MYH2: variants seen among roughly 807,000 people sequenced by gnomAD.
The protein encoded by MYH2 is myosin heavy chain 2.
MYH2 carries 139 observed loss-of-function variants against 228.1 expected under a neutral mutation model. That is an observed-to-expected ratio of 0.61 (90% CI 0.53 to 0.70). The LOEUF is 0.70. Ranked by LOEUF, MYH2 falls within the 30% of genes least tolerant of loss-of-function variation. The pLI, the probability that MYH2 is intolerant of heterozygous loss-of-function variation, is 0.00. For synonymous variants in MYH2, 796 were observed against 871.1 expected (o/e 0.91, Z 1.52); for missense variants, 1,809 against 2,357.5 (o/e 0.77, Z 4.82).
rs563638689 is a variant in MYH2 at position 10,537,836 on chromosome 17, C to T, written c.1417-1G>A. ...TGCACAGCTGCTCCAGGCTGTTGAACTAAATAAATAGATATGTTTACTTCT... is the reference window on the plus strand; with the variant it reads ...TGCACAGCTGCTCCAGGCTGTTGAATTAAATAAATAGATATGTTTACTTCT... On this transcript the variant is annotated splice_acceptor_variant, in intron 14 of 39. Coordinates refer to ENST00000245503, the MANE Select transcript of MYH2 (RefSeq NM_017534.6). LOFTEE classifies it high-confidence loss of function. The surrounding 1 kb of genome is among the most constrained non-coding windows in gnomAD (Gnocchi z 4.0). The T allele has an allele frequency of 2.5e-6, 4 of 1,614,102 alleles. No individual in the cohort carries two copies. The highest frequency in any genetic ancestry group is 3.4e-6 in the Non-Finnish European group (4 of 1,180,018).
chr17:10,529,350 A>G lies in MYH2; in HGVS notation c.3249T>C (p.Asp1083=). 2 of 1,613,898 alleles carry G rather than the reference A, an allele frequency of 1.2e-6. No homozygotes were observed. The highest frequency in any genetic ancestry group is 1.1e-5 in the South Asian group (1 of 91,080). Residue 1083 remains aspartate (D), a synonymous_variant, in exon 25 of 40, where the codon GAT becomes GAC. Transcript: ENST00000245503. ...TTCTTACTTACTTTTTGAGCTTTTC[A>G]TCAAGTTGCTGTTTCTCATTTTCAA... is the stretch of plus-strand genomic sequence containing the variant. ...MDIENEKQQL[D]EKLKKKEFEI...
Position 10,527,833 on chromosome 17 carries a change from C to CAGTTG in MYH2, c.3781_3785dup (p.Ser1263AsnfsTer2). On this transcript the variant is annotated frameshift_variant, in exon 28 of 40. Transcript: ENST00000245503. LOFTEE classifies it high-confidence loss of function. ...CCTCTTCCTTTGATTTCAGTTCACTCAGTTGGTCCTCTAGAGTCCGGCACA... is the reference window on the plus strand; with the variant it reads ...CCTCTTCCTTTGATTTCAGTTCACTCAGTTGAGTTGGTCCTCTAGAGTCCGGCACA... 5 of 1,613,996 alleles carry CAGTTG rather than the reference C, an allele frequency of 3.1e-6. No homozygotes were observed. Among genetic ancestry groups the CAGTTG allele is most frequent in the Non-Finnish European group, 4.2e-6 (5 of 1,180,020 alleles).
At chr17:10,541,112 G>C (rs1402080045) in intron 10 of MYH2, among the ~76,000 whole-genome samples, 1 of 152,094 alleles carries the variant, frequency 6.6e-6, no homozygotes. Context: ...TAAAGCATGT[G>C]TGTTTAAACA....
chr17:10,547,793 G>A lies in MYH2; in HGVS notation c.128C>T (p.Pro43Leu), dbSNP rs1387778291. Residue 43 changes from proline to leucine, a missense_variant, in exon 3 of 40, where the codon CCC (proline) becomes CTC (leucine). By Grantham distance (98) the Pro-to-Leu change is moderately conservative. Around this residue, in one of 9 missense-constraint regions of MYH2, gnomAD observed 84 missense variants for 81.8 expected, o/e 1.03. Transcript: ENST00000245503. ...GGTCCCTTTGACAAAGGATTCTTTG[G>A]GCTCCGCCACAAAGACAGATGTTTT... ...DAKTSVFVAE[P>L]KESFVKGTIQ... is the part of the protein sequence containing the mutation. 1 of 1,614,124 alleles carries A rather than the reference G, an allele frequency of 6.2e-7. No homozygotes were observed. The highest frequency in any genetic ancestry group is 1.1e-5 in the South Asian group (1 of 91,082).
Position 10,525,143 on chromosome 17 carries a change from CTA to C in MYH2, c.4662+79_4663-79del, listed in dbSNP as rs2073334712. 1.2e-5 allele frequency: 19 copies of C among 1,613,866 alleles called. No individual in the cohort carries two copies. The highest frequency in any genetic ancestry group is 1.5e-5 in the Non-Finnish European group (18 of 1,179,920). ...TTTTCTGCACAGCAATAATTTTGTG[CTA>C]TGTGTCTTTTTATTCACTCTATGCA... On this transcript the variant is annotated intron_variant, in intron 33 of 39. Transcript: ENST00000245503. This position sits in a 1 kb window ranked among gnomAD's most constrained non-coding sequence, Gnocchi z 4.2.
In MYH2 at chr17:10,523,673, A is replaced by G. The variant is rs867201474; in HGVS notation, c.5302-7T>C. The stretch of plus-strand genomic sequence containing the variant: ...CCTCAGCCATCATGGCGGCCTAAAT[A>G]GCAAATAAATCAAGAAAACCAAGAA... On this transcript the variant is annotated splice_region_variant and splice_polypyrimidine_tract_variant and intron_variant, in intron 36 of 39. Coordinates refer to ENST00000245503, the MANE Select transcript of MYH2 (RefSeq NM_017534.6). 1.5e-5 allele frequency: 24 copies of G among 1,614,226 alleles called. 1 individual carries two copies. In the Middle Eastern group the frequency reaches 3.8e-3, roughly 255 times the overall value.
intron 2 of MYH2, among the ~76,000 whole-genome samples, chr17:10,548,850 T>C (rs1426620843): frequency 6.6e-6 from 1 of 152,226 alleles, no homozygotes; most frequent in African/African-American, 2.4e-5. Flanking sequence ...TGAAACTCAT[T>C]TGAATCGTCT....
At chr17:10,539,643 T>A in intron 12 of MYH2, 81 bp from the exon 13 acceptor site, 1 of 1,400,022 alleles carries the variant, frequency 7.1e-7, no homozygotes, top group Non-Finnish European at 1.0e-6. Flanking sequence ...AAACTACAAG[T>A]ATTTTGTGCA....
intron 21 of MYH2, among the ~76,000 whole-genome samples, 186 bp from the exon 22 acceptor site, chr17:10,532,074 C>G (rs886194467): frequency 1.3e-5 from 2 of 152,136 alleles, no homozygotes; most frequent in Non-Finnish European, 2.9e-5. Flanking sequence ...TACATCACTG[C>G]TTCTCAAACT....
intron 27 of MYH2, 43 bp downstream of exon 27, chr17:10,528,647 T>G (rs1362923312): frequency 6.2e-7 from 1 of 1,613,704 alleles, no homozygotes; most frequent in South Asian, 1.1e-5. Flanking sequence ...GATGTGTCCA[T>G]AATGCATTAT....
At chr17:10,531,976 C>T in intron 21 of MYH2, 88 bp from the exon 22 acceptor site, 1 of 1,508,142 alleles carries the variant, frequency 6.6e-7, no homozygotes, top group Non-Finnish European at 9.2e-7. Context: ...TCTGCTTCAC[C>T]TTGTTCCTAC....
chr17:10,538,644 C>CAA lies in MYH2; in HGVS notation c.1416+559_1416+560dup, dbSNP rs201204610. 6.7e-3 allele frequency among the ~76,000 whole-genome samples: 591 copies of CAA among 88,098 alleles called. 5 individuals are homozygous for CAA. Among genetic ancestry groups the CAA allele is most frequent in the African/African-American group, 0.023 (566 of 24,158 alleles). 57.8% of individuals were successfully genotyped at this position (88,098 alleles called of 152,430 possible). On this transcript the variant is annotated intron_variant, in intron 14 of 39. Coordinates refer to ENST00000245503, the MANE Select transcript of MYH2 (RefSeq NM_017534.6). ...TGGGCAACAGAGTGAGACTCCATCT[C>CAA]AAAAAAAAAAAAAAAATCACCAAAA...
chr17:10,528,558 T>C (rs1467802533), intron 27 of MYH2, 132 bp downstream of exon 27: 2 of 1,216,876 alleles, frequency 1.6e-6, no homozygotes, highest in African/African-American at 1.6e-5. Flanking sequence ...TAAAAAATGC[T>C]GATTTTTTGT....
chr17:10,544,643 T>C (rs1187142249), intron 5 of MYH2, among the ~76,000 whole-genome samples: 1 of 152,220 alleles, frequency 6.6e-6, no homozygotes, highest in Admixed American at 6.5e-5. Context: ...GTTTTAGAAA[T>C]ACGGCTTTGG....
rs527284254 is a variant in MYH2 at position 10,534,331 on chromosome 17, TG to T, written c.2181-700del. 5.3e-5 allele frequency among the ~76,000 whole-genome samples: 8 copies of T among 152,346 alleles called. No individual in the cohort carries two copies. The South Asian group carries it at 1.7e-3, about 32-fold the overall frequency. Reference sequence around the variant, plus strand: ...GGAAATGACAGAAAATGAATAGCTATGTTTGTATGGAAGAGTTTCTAACTCA... The same window carrying T: ...GGAAATGACAGAAAATGAATAGCTATTTTGTATGGAAGAGTTTCTAACTCA... On this transcript the variant is annotated intron_variant, in intron 19 of 39. Coordinates refer to ENST00000245503, the MANE Select transcript of MYH2 (RefSeq NM_017534.6).
At position 10,529,058 on chromosome 17, in the gene MYH2, C is replaced by T; in HGVS notation, c.3376G>A (p.Glu1126Lys). ...ELQARIEELE[E>K]EIEAERASRA... The stretch of plus-strand genomic sequence containing the variant: ...GAGGCCCGCTCTGCCTCGATTTCCT[C>T]CTCCAGCTCCTCAATGCGGGCCTGG... The change falls in exon 27 of 40, where the codon GAG (glutamate) becomes AAG (lysine). Residue 1126 changes from glutamate to lysine, a missense_variant. Glu to Lys is a moderately conservative substitution (Grantham distance 56). Around this residue, in one of 9 missense-constraint regions of MYH2, gnomAD observed 636 missense variants for 729.9 expected, o/e 0.87. Coordinates refer to ENST00000245503, the MANE Select transcript of MYH2 (RefSeq NM_017534.6). The T allele has an allele frequency of 6.2e-7, 1 of 1,614,258 alleles. No individual in the cohort carries two copies. Among genetic ancestry groups the T allele is most frequent in the Non-Finnish European group, 8.5e-7 (1 of 1,180,050 alleles).
rs2073422809 is a variant in MYH2, at chr17:10,531,488, G to T, written c.2697+145C>A. 5 of 1,115,488 alleles carry T rather than the reference G, an allele frequency of 4.5e-6. No individual in the cohort carries two copies. In the Admixed American group the frequency reaches 6.1e-5, roughly 14 times the overall value. The allele number at this position is 1,115,488 out of a possible 1,614,324, so 69.1% of individuals were successfully genotyped here. ...GTTATTGGGCAATGGAGGAATGTTT[G>T]GACCTTTTCGTGCCATTGGAGTGTT... is the stretch of plus-strand genomic sequence containing the variant. On this transcript the variant is annotated intron_variant, in intron 22 of 39. Transcript: ENST00000245503.
chr17:10,525,560 G>C lies in MYH2; in HGVS notation c.4428C>G (p.Ser1476=). 1 of 1,614,112 alleles carries C rather than the reference G, an allele frequency of 6.2e-7. No homozygotes were observed. Among genetic ancestry groups the C allele is most frequent in the Non-Finnish European group, 8.5e-7 (1 of 1,180,028 alleles). ...CEETHAELEA[S]QKEARSLGTE... is the part of the protein sequence containing the mutation. Reference sequence around the variant, plus strand: ...TGCCAAGGGAACGGGCCTCCTTCTGGGAGGCCTCAAGCTCAGCATGCGTTT... The same window carrying C: ...TGCCAAGGGAACGGGCCTCCTTCTGCGAGGCCTCAAGCTCAGCATGCGTTT... The change falls in exon 32 of 40, where the codon TCC becomes TCG. Residue 1476 remains serine (S), a synonymous_variant. Transcript: ENST00000245503. This position sits in a 1 kb window ranked among gnomAD's most constrained non-coding sequence, Gnocchi z 4.2.
Position 10,524,963 on chromosome 17 carries a change from T to C in MYH2, c.4765A>G (p.Ile1589Val). 6.2e-7 allele frequency: 1 copy of C among 1,614,094 alleles called. No homozygotes were observed. The highest frequency in any genetic ancestry group is 8.5e-7 in the Non-Finnish European group (1 of 1,180,016). Residue 1589 changes from isoleucine to valine, a missense_variant, in exon 34 of 40, where the codon ATT (isoleucine) becomes GTT (valine). Physicochemically the swap from Ile to Val is conservative, Grantham distance 29. This residue lies in a region of MYH2 where 636 missense variants were observed against 729.9 expected (regional missense o/e 0.87). Transcript: ENST00000245503. The surrounding 1 kb of genome is among the most constrained non-coding windows in gnomAD (Gnocchi z 4.7). ...DRKIAEKDEE[I>V]DQLKRNHIRI... is the part of the protein sequence containing the mutation. The stretch of plus-strand genomic sequence containing the variant: ...ATGTGGTTTCTCTTCAGCTGGTCAA[T>C]TTCCTCATCTTTTTCAGCAATTTTC...
Sources: allele counts gnomAD v4.1 joint callset (sites outside exome capture counted in the v4.1 genomes callset), GRCh38; gene constraint gnomAD v4.1.1; regional missense constraint gnomAD v4.1.1; non-coding constraint Gnocchi (gnomAD v3.1); transcripts MANE v1.5; gene names NCBI Gene and HGNC (gene_info 2026-07-23, HGNC 2026-07-21).